Variants in RBFOX1 observed in about 807,000 individuals in gnomAD.
RBFOX1 encodes RNA binding protein fox-1 homolog 1.
A neutral mutation model predicts 57.7 loss-of-function variants in RBFOX1; 8 were observed. That is an observed-to-expected ratio of 0.14 (90% CI 0.08 to 0.25). The LOEUF is 0.25. Ranked by LOEUF, RBFOX1 falls within the 10% of genes least tolerant of loss-of-function variation. The pLI is 1.00. For synonymous variants in RBFOX1, 326 were observed against 222.4 expected, an observed-to-expected ratio of 1.47 and a Z score of -4.15; for missense variants, 611 against 548.5, an observed-to-expected ratio of 1.11 and a Z score of -1.14.
chr16:6,677,525 C>T (rs895340462), intron 3 of RBFOX1, among the ~76,000 whole-genome samples: 4 of 152,120 alleles, frequency 2.6e-5, no homozygotes, highest in African/African-American at 7.2e-5. Context: ...ATATCAAAAA[C>T]ATCAGGGAGC....
intron 3 of RBFOX1, among the ~76,000 whole-genome samples, chr16:6,938,427 G>A (rs888585248): frequency 7.9e-5 from 12 of 152,206 alleles, no homozygotes; most frequent in Non-Finnish European, 1.5e-5. Flanking sequence ...CTGTTACACT[G>A]TTGCTGTTGT....
intron 3 of RBFOX1, among the ~76,000 whole-genome samples, chr16:5,838,993 G>T (rs1457078985): frequency 6.6e-6 from 1 of 152,096 alleles, no homozygotes; most frequent in African/African-American, 2.4e-5. Context: ...AAGTATTTTT[G>T]GTTTCACAGC....
At chr16:6,010,618 G>C (rs977735911) in intron 4 of RBFOX1, among the ~76,000 whole-genome samples, 18 of 152,200 alleles carry the variant, frequency 1.2e-4, no homozygotes, top group Admixed American at 3.9e-4. Flanking sequence ...TTAATGAGCA[G>C]AGCTTGTTGA....
intron 4 of RBFOX1, among the ~76,000 whole-genome samples, chr16:5,873,788 T>G (rs1275219947): frequency 2.0e-5 from 3 of 152,172 alleles, no homozygotes; most frequent in African/African-American, 7.2e-5. Flanking sequence ...GGTTAAAACA[T>G]AAATGAGTCT....
chr16:6,700,939 T>C (rs781268655), intron 3 of RBFOX1, among the ~76,000 whole-genome samples: 2 of 152,030 alleles, frequency 1.3e-5, no homozygotes, highest in Non-Finnish European at 2.9e-5. Flanking sequence ...TTGTTCGAGG[T>C]TGGGTTCACA....
rs60048290 is a variant in RBFOX1 at position 6,215,864 on chromosome 16, C to T, written c.-126-101131C>T. On this transcript the variant is annotated intron_variant, in intron 1 of 15. Transcript: ENST00000550418. Reference sequence around the variant, plus strand: ...GTTTATAACCCAGTATGAATCAACTCGCCACATGCCCACTGAAAGGATCCA... The same window carrying T: ...GTTTATAACCCAGTATGAATCAACTTGCCACATGCCCACTGAAAGGATCCA... Among the ~76,000 whole-genome samples, 472 of 152,148 alleles carry T rather than the reference C, an allele frequency of 3.1e-3. 1 individual carries two copies. Among genetic ancestry groups the T allele is most frequent in the African/African-American group, 0.01 (431 of 41,520 alleles).
At chr16:6,608,120 A>C (rs1460031381) in intron 2 of RBFOX1, among the ~76,000 whole-genome samples, 1 of 152,320 alleles carries the variant, frequency 6.6e-6, no homozygotes, top group East Asian at 1.9e-4. Flanking sequence ...CGGGTTCTCA[A>C]GAAATACTAT....
At chr16:5,355,308 C>T (rs1404998626) in intron 1 of RBFOX1, among the ~76,000 whole-genome samples, 2 of 152,136 alleles carry the variant, frequency 1.3e-5, no homozygotes, top group African/African-American at 4.8e-5. Context: ...GCAGGTGTGG[C>T]AGGACGCAGG....
At chr16:7,172,821 G>T (rs1465049771) in intron 4 of RBFOX1, among the ~76,000 whole-genome samples, 1 of 152,154 alleles carries the variant, frequency 6.6e-6, no homozygotes, top group African/African-American at 2.4e-5. Context: ...AGATGGCAGA[G>T]TGCCTTCTGA....
intron 3 of RBFOX1, among the ~76,000 whole-genome samples, chr16:6,714,518 G>C (rs1248700751): frequency 6.6e-6 from 1 of 152,134 alleles, no homozygotes; most frequent in Non-Finnish European, 1.5e-5. Context: ...AGGGCAGGGG[G>C]CCTGGGGTAC....
intron 3 of RBFOX1, among the ~76,000 whole-genome samples, chr16:6,988,688 C>G (rs1464946546): frequency 6.6e-6 from 1 of 150,988 alleles, no homozygotes; most frequent in Non-Finnish European, 1.5e-5. Context: ...CCTTAGCCTC[C>G]TGAGCAGCTG....
At position 7,420,501 on chromosome 16, in the gene RBFOX1, A is replaced by G. The variant is rs375390032; in HGVS notation, c.28-97646A>G. Reference sequence around the variant, plus strand: ...TGTCTAAATCGATACATCTCTTGTCAGACTCATGTCTGATGTTTGAATCAA... The same window carrying G: ...TGTCTAAATCGATACATCTCTTGTCGGACTCATGTCTGATGTTTGAATCAA... On this transcript the variant is annotated intron_variant, in intron 4 of 15. Coordinates refer to ENST00000550418, the MANE Select transcript of RBFOX1 (RefSeq NM_018723.4). Among the ~76,000 whole-genome samples, 30 of 152,312 alleles carry G rather than the reference A, an allele frequency of 2.0e-4. No individual in the cohort carries two copies. In the East Asian group the frequency reaches 5.4e-3, roughly 27 times the overall value.
At chr16:6,272,627 T>G (rs766062891) in intron 1 of RBFOX1, among the ~76,000 whole-genome samples, 5 of 152,214 alleles carry the variant, frequency 3.3e-5, no homozygotes, top group Admixed American at 1.3e-4. Flanking sequence ...TTTAAAAAGC[T>G]TAACAATTTT....
chr16:6,142,215 A>AAAT (rs2096722720), intron 1 of RBFOX1, among the ~76,000 whole-genome samples: 1 of 148,440 alleles, frequency 6.7e-6, no homozygotes, highest in Non-Finnish European at 1.5e-5. Context: ...AAAAAAAAAA[A>AAAT]ATCCAACTCT....
intron 4 of RBFOX1, among the ~76,000 whole-genome samples, chr16:7,182,515 G>A (rs1450219393): frequency 1.3e-5 from 2 of 152,112 alleles, no homozygotes; most frequent in Non-Finnish European, 2.9e-5. Flanking sequence ...ATTTTATGGT[G>A]AACTGTTGTT....
intron 2 of RBFOX1, among the ~76,000 whole-genome samples, chr16:5,505,492 C>T (rs1419512903): frequency 6.6e-6 from 1 of 152,086 alleles, no homozygotes; most frequent in African/African-American, 2.4e-5. Flanking sequence ...TCCAGGGGTG[C>T]CCTATGTGGG....
At chr16:6,795,547 C>A in intron 3 of RBFOX1, among the ~76,000 whole-genome samples, 1 of 152,142 alleles carries the variant, frequency 6.6e-6, no homozygotes, top group Non-Finnish European at 1.5e-5. Flanking sequence ...GTGGGTGAAT[C>A]ACGAGGTCAC....
chr16:6,206,457 A>C (rs1285424396), intron 1 of RBFOX1, among the ~76,000 whole-genome samples: 1 of 151,850 alleles, frequency 6.6e-6, no homozygotes, highest in Non-Finnish European at 1.5e-5. Flanking sequence ...TAATGTATTT[A>C]CTCATTTTTT....
At chr16:6,115,746 G>A (rs191572832) in intron 1 of RBFOX1, among the ~76,000 whole-genome samples, 1 of 152,274 alleles carries the variant, frequency 6.6e-6, no homozygotes, top group African/African-American at 2.4e-5. Flanking sequence ...AAGCTACACA[G>A]TGGGCTAGGT....
Sources: gnomAD v4.1 joint callset for allele counts (sites outside exome capture counted in the v4.1 genomes callset) on GRCh38, gnomAD v4.1.1 for gene constraint, MANE v1.5 for transcripts, NCBI Gene and HGNC (gene_info 2026-07-23, HGNC 2026-07-21) for gene names.